Variants in NCOR1 observed in about 807,000 individuals in gnomAD.
The protein encoded by NCOR1 is protein phosphatase 1, regulatory subunit 109.
A neutral mutation model predicts 288.1 loss-of-function variants in NCOR1; 63 were observed. The ratio of observed to expected loss-of-function variants is 0.22; its 90% confidence interval spans 0.18 to 0.27. The LOEUF (loss-of-function observed/expected upper bound fraction) is 0.27. NCOR1 is among the 10% of genes least tolerant of loss of function. The probability of loss-of-function intolerance (pLI) is 1.00; values close to 1 mark genes in which losing one functional copy is unlikely to be tolerated. For missense variants in NCOR1, 2,397 were observed against 3,019.2 expected (o/e 0.79, Z 4.83); for synonymous variants, 1,007 against 1,065.9 (o/e 0.94, Z 1.08).
chr17:16,078,434 C>T (rs1398358480), intron 26 of NCOR1, among the ~76,000 whole-genome samples: 1 of 152,170 alleles, frequency 6.6e-6, no homozygotes, highest in Non-Finnish European at 1.5e-5. Flanking sequence ...CTCCTTTGGC[C>T]CAGTTCATAC....
At chr17:16,194,881 T>C (rs2089417899) in intron 1 of NCOR1, among the ~76,000 whole-genome samples, 1 of 152,174 alleles carries the variant, frequency 6.6e-6, no homozygotes, top group African/African-American at 2.4e-5. Flanking sequence ...AAACAGTATA[T>C]AAAAACAGCA....
At chr17:16,076,348 A>G (rs1394923906) in intron 26 of NCOR1, among the ~76,000 whole-genome samples, 3 of 152,246 alleles carry the variant, frequency 2.0e-5, no homozygotes, top group African/African-American at 7.2e-5. Flanking sequence ...TTGGCCCAGG[A>G]ACTGTTAACA....
At chr17:16,116,612 A>T (rs1225404095) in intron 18 of NCOR1, among the ~76,000 whole-genome samples, 1 of 152,222 alleles carries the variant, frequency 6.6e-6, no homozygotes, top group African/African-American at 2.4e-5. Context: ...TCATTCTTTC[A>T]ATCTAAAATG....
At chr17:16,182,583 T>G (rs2085710685) in intron 3 of NCOR1, among the ~76,000 whole-genome samples, 1 of 152,188 alleles carries the variant, frequency 6.6e-6, no homozygotes, top group African/African-American at 2.4e-5. Context: ...GCCTCCAGAG[T>G]AGCTGGGACT....
intron 19 of NCOR1, among the ~76,000 whole-genome samples, chr17:16,107,559 G>C (rs532511652): frequency 2.0e-5 from 3 of 152,292 alleles, no homozygotes; most frequent in African/African-American, 7.2e-5. Flanking sequence ...AATTTCAGTT[G>C]CTGCAGCCAC....
intron 20 of NCOR1, among the ~76,000 whole-genome samples, chr17:16,099,615 C>T (rs1279181062): frequency 1.3e-5 from 2 of 152,104 alleles, no homozygotes; most frequent in Admixed American, 6.5e-5. Flanking sequence ...TTTTCCTTCA[C>T]GTATAGTTAC....
At position 16,215,452 on chromosome 17, in the gene NCOR1, T is replaced by C. The variant is rs950757835; in HGVS notation, c.-161A>G. ...GCGCGGCCCTACACCGGGACCTCGT[T>C]CGGCGCGGCGAGTCGGACGCTCACT... On this transcript the variant is annotated 5_prime_UTR_variant, in exon 1 of 46. Coordinates refer to ENST00000268712, the MANE Select transcript of NCOR1 (RefSeq NM_006311.4). The C allele has an allele frequency of 7.5e-6, 3 of 397,446 alleles. No individual in the cohort carries two copies. Among genetic ancestry groups the C allele is most frequent in the African/African-American group, 4.1e-5 (2 of 48,520 alleles). The allele number at this position is 397,446 out of a possible 1,614,324, so 24.6% of individuals were successfully genotyped here.
chr17:16,208,542 T>C (rs1216324771), intron 1 of NCOR1, among the ~76,000 whole-genome samples: 2 of 152,156 alleles, frequency 1.3e-5, no homozygotes, highest in African/African-American at 4.8e-5. Context: ...ACAGAATTTT[T>C]TTTTTCTTTT....
intron 21 of NCOR1, among the ~76,000 whole-genome samples, chr17:16,095,007 C>T (rs577479719): frequency 2.6e-5 from 4 of 151,742 alleles, no homozygotes; most frequent in East Asian, 1.9e-4. Context: ...AAGTGAGGAG[C>T]GTCTCTGCCT....
chr17:16,211,175 C>T (rs1043700280), intron 1 of NCOR1, among the ~76,000 whole-genome samples: 8 of 152,106 alleles, frequency 5.3e-5, no homozygotes, highest in Admixed American at 2.0e-4. Flanking sequence ...TTCACTTCTC[C>T]GACCTTCAGT....
In NCOR1 at chr17:16,065,009, G is replaced by A; in HGVS notation, c.4962C>T (p.Asp1654=). The change falls in exon 34 of 46, where the codon GAC becomes GAT. Residue 1654 remains aspartate, a synonymous_variant. Transcript: ENST00000268712. ...AAATTGTTGGAGGCATATTGGTCAG[G>A]TCAATGATTCCTATCCAAAAGACAA... ...LPYPATRGII[D]LTNMPPTILV... The A allele has an allele frequency of 6.2e-7, 1 of 1,613,526 alleles. No individual in the cohort carries two copies. Among genetic ancestry groups the A allele is most frequent in the Non-Finnish European group, 8.5e-7 (1 of 1,179,684 alleles).
At chr17:16,209,729 A>T (rs1258483011) in intron 1 of NCOR1, among the ~76,000 whole-genome samples, 1 of 151,982 alleles carries the variant, frequency 6.6e-6, no homozygotes, top group Non-Finnish European at 1.5e-5. Context: ...AGGCGGGCAG[A>T]TCACTTGAGG....
intron 44 of NCOR1, among the ~76,000 whole-genome samples, chr17:16,036,800 A>C (rs1392211606): frequency 6.6e-6 from 1 of 152,198 alleles, no homozygotes; most frequent in Non-Finnish European, 1.5e-5. Context: ...TTGGTCTTCT[A>C]TCCAGACCAC....
intron 17 of NCOR1, among the ~76,000 whole-genome samples, chr17:16,118,873 TAAG>T (rs2072352614): frequency 6.6e-6 from 1 of 152,014 alleles, no homozygotes; most frequent in Non-Finnish European, 1.5e-5. Flanking sequence ...AGTGCCAGAG[TAAG>T]AGGAAGGCCA....
At chr17:16,039,403 A>G (rs760043834) in intron 44 of NCOR1, 30 bp downstream of exon 44, 7 of 1,599,618 alleles carry the variant, frequency 4.4e-6, no homozygotes, top group Admixed American at 1.7e-5. Context: ...GGGGAAAAGC[A>G]GCAGAAAAGC....
intron 42 of NCOR1, among the ~76,000 whole-genome samples, chr17:16,045,649 C>T (rs9889822): frequency 0.49 from 74,095 of 151,596 alleles, 18,686 homozygotes; most frequent in Middle Eastern, 0.57. Context: ...GCTGGGATTA[C>T]AGGTGCACGC....
intron 31 of NCOR1, among the ~76,000 whole-genome samples, chr17:16,069,355 C>T (rs897135840): frequency 2.6e-5 from 4 of 152,208 alleles, no homozygotes; most frequent in Admixed American, 1.3e-4. Context: ...TCCCCTTCTC[C>T]TCACTCTGTG....
chr17:16,039,202 A>G (rs1200474894), intron 44 of NCOR1: 3 of 519,904 alleles, frequency 5.8e-6, no homozygotes, highest in African/African-American at 5.7e-5. Flanking sequence ...AAAAATGGAC[A>G]TCCCAGGAGG....
rs1971994522 is a variant in NCOR1 at position 16,031,522 on chromosome 17, A to T, written c.*774T>A. On this transcript the variant is annotated 3_prime_UTR_variant, in exon 46 of 46. Coordinates refer to ENST00000268712, the MANE Select transcript of NCOR1 (RefSeq NM_006311.4). ...TTACCAGTGTGCGTAACAGTGAGGT[A>T]TGCCTCAAATAAGCCTTTAAAACTT... 4.8e-6 allele frequency: 1 copy of T among 210,124 alleles called. No individual in the cohort carries two copies. The highest frequency in any genetic ancestry group is 1.9e-4 in the South Asian group (1 of 5,346). The allele number at this position is 210,124 out of a possible 1,614,324, so 13.0% of individuals were successfully genotyped here. A position where few individuals can be genotyped will look rare whatever the true frequency, so the allele number is the denominator to read the frequency against.
Sources: allele counts gnomAD v4.1 joint callset (sites outside exome capture counted in the v4.1 genomes callset), GRCh38; gene constraint gnomAD v4.1.1; transcripts MANE v1.5; gene names NCBI Gene and HGNC (gene_info 2026-07-23, HGNC 2026-07-21).